The following DRC11 variants were observed in gnomAD, a reference collection of about 807,000 sequenced individuals.
The protein encoded by DRC11 is dynein regulatory complex subunit 11, also known as IQ and AAA domain-containing protein 1.
the DRC11 span, among the ~76,000 whole-genome samples, chr2:236,371,554 G>A: frequency 6.6e-6 from 1 of 152,132 alleles, no homozygotes; most frequent in Admixed American, 6.5e-5. The surrounding 1 kb of genome is among the most constrained non-coding windows in gnomAD (Gnocchi z 5.1). Context: ...CTGCAATGCC[G>A]TGTTGTCAGC....
chr2:236,328,690 T>C, the DRC11 span, among the ~76,000 whole-genome samples: 1 of 152,166 alleles, frequency 6.6e-6, no homozygotes, highest in Non-Finnish European at 1.5e-5. This position sits in a 1 kb window ranked among gnomAD's most constrained non-coding sequence, Gnocchi z 6.7. Context: ...CTGTTTTTAA[T>C]GTAAGGTGAG....
the DRC11 span, among the ~76,000 whole-genome samples, chr2:236,373,724 C>G: frequency 6.6e-6 from 1 of 152,282 alleles, no homozygotes; most frequent in South Asian, 2.1e-4. Flanking sequence ...TAGTCCAATA[C>G]TTTTAGAAGG....
chr2:236,344,670 T>C, the DRC11 span: 1 of 1,548,526 alleles, frequency 6.5e-7, no homozygotes, highest in South Asian at 1.1e-5. Flanking sequence ...AGGGCCCTGG[T>C]TGTAAATGCA....
chr2:236,491,886 T>C, the DRC11 span, among the ~76,000 whole-genome samples: 10 of 152,312 alleles, frequency 6.6e-5, no homozygotes, highest in African/African-American at 2.2e-4. Context: ...CTTCATGTGC[T>C]AGAAACTTAG....
chr2:236,353,365 G>A, the DRC11 span, among the ~76,000 whole-genome samples: 5 of 152,156 alleles, frequency 3.3e-5, no homozygotes, highest in Non-Finnish European at 5.9e-5. The surrounding 1 kb of genome is among the most constrained non-coding windows in gnomAD (Gnocchi z 5.0). Context: ...AACTAAAGAC[G>A]TCTCTATCCA....
At chr2:236,487,991 G>T in the DRC11 span, 1 of 1,561,128 alleles carries the variant, frequency 6.4e-7, no homozygotes, top group Non-Finnish European at 8.7e-7. Context: ...AGGAGCCCTA[G>T]GTTTGCACCT....
At chr2:236,469,622 T>C in the DRC11 span, among the ~76,000 whole-genome samples, 1 of 152,248 alleles carries the variant, frequency 6.6e-6, no homozygotes, top group Non-Finnish European at 1.5e-5. The surrounding 1 kb of genome is among the most constrained non-coding windows in gnomAD (Gnocchi z 5.8). Context: ...TGTTTCTTGA[T>C]ATAGACTTTC....
the DRC11 span, chr2:236,507,463 G>A: frequency 1.7e-6 from 1 of 604,642 alleles, no homozygotes; most frequent in South Asian, 2.0e-5. Flanking sequence ...TTGCTTCGCA[G>A]GCACGGAGCG....
the DRC11 span, chr2:236,392,261 A>T: frequency 6.3e-7 from 1 of 1,590,072 alleles, no homozygotes; most frequent in Admixed American, 1.7e-5. This position sits in a 1 kb window ranked among gnomAD's most constrained non-coding sequence, Gnocchi z 5.1. Flanking sequence ...CTGATCTCTG[A>T]CTGTAATTCT....
chr2:236,318,966 G>A, the DRC11 span, among the ~76,000 whole-genome samples: 4 of 152,182 alleles, frequency 2.6e-5, no homozygotes, highest in Non-Finnish European at 4.4e-5. The surrounding 1 kb of genome is among the most constrained non-coding windows in gnomAD (Gnocchi z 7.0). Context: ...TCAAGAGGTG[G>A]TGGACAGACG....
chr2:236,363,738 A>G, the DRC11 span: 7 of 1,417,488 alleles, frequency 4.9e-6, no homozygotes, highest in Non-Finnish European at 6.9e-6. This position sits in a 1 kb window ranked among gnomAD's most constrained non-coding sequence, Gnocchi z 5.6. Flanking sequence ...ATGTAATTTG[A>G]AAGAGGGAGG....
At chr2:236,504,687 CCCA>C in the DRC11 span, among the ~76,000 whole-genome samples, 4 of 152,068 alleles carry the variant, frequency 2.6e-5, no homozygotes, top group Admixed American at 1.3e-4. The surrounding 1 kb of genome is among the most constrained non-coding windows in gnomAD (Gnocchi z 5.0). Flanking sequence ...TTCCATAATC[CCCA>C]CGTGTTGTAA....
the DRC11 span, among the ~76,000 whole-genome samples, chr2:236,497,800 T>C: frequency 6.6e-6 from 1 of 152,234 alleles, no homozygotes; most frequent in Non-Finnish European, 1.5e-5. The surrounding 1 kb of genome is among the most constrained non-coding windows in gnomAD (Gnocchi z 5.1). Context: ...ACAAAGTTGA[T>C]ATCCAGAATA....
At chr2:236,358,398 C>T in the DRC11 span, among the ~76,000 whole-genome samples, 4 of 127,082 alleles carry the variant, frequency 3.1e-5, no homozygotes, top group Admixed American at 1.6e-4. Flanking sequence ...ATATGAATAT[C>T]ATATATAAAT....
At chr2:236,311,964 T>TAAA in the DRC11 span, among the ~76,000 whole-genome samples, 9 of 152,164 alleles carry the variant, frequency 5.9e-5, no homozygotes, top group East Asian at 1.7e-3. This position sits in a 1 kb window ranked among gnomAD's most constrained non-coding sequence, Gnocchi z 6.9. Context: ...TAAGGTGATG[T>TAAA]GTCCCTTCAC....
At chr2:236,431,832 T>C in the DRC11 span, among the ~76,000 whole-genome samples, 3 of 152,206 alleles carry the variant, frequency 2.0e-5, no homozygotes, top group African/African-American at 4.8e-5. This position sits in a 1 kb window ranked among gnomAD's most constrained non-coding sequence, Gnocchi z 4.2. Context: ...TATTCCCCAG[T>C]TGATATGTAT....
At chr2:236,399,604 T>G in the DRC11 span, 1 of 807,996 alleles carries the variant, frequency 1.2e-6, no homozygotes, top group Non-Finnish European at 2.1e-6. This position sits in a 1 kb window ranked among gnomAD's most constrained non-coding sequence, Gnocchi z 7.0. Context: ...CTGGTCCCCC[T>G]GGGCAGTGCC....
chr2:236,468,123 G>T, the DRC11 span, among the ~76,000 whole-genome samples: 6 of 152,078 alleles, frequency 3.9e-5, no homozygotes, highest in Admixed American at 2.0e-4. Context: ...TGGAGACAAG[G>T]TCTCACTCTG....
At chr2:236,396,547 G>A in the DRC11 span, among the ~76,000 whole-genome samples, 1 of 152,102 alleles carries the variant, frequency 6.6e-6, no homozygotes, top group South Asian at 2.1e-4. Flanking sequence ...AAAAGGCGTG[G>A]ACAGTTTTCA....
Sources: gnomAD v4.1 joint callset for allele counts (sites outside exome capture counted in the v4.1 genomes callset) on GRCh38, gnomAD v4.1.1 for gene constraint, Gnocchi (gnomAD v3.1) non-coding constraint, MANE v1.5 for transcripts, NCBI Gene and HGNC (gene_info 2026-07-23, HGNC 2026-07-21) for gene names.